Variants in AMBRA1 observed in about 807,000 individuals in gnomAD.
The protein encoded by AMBRA1 is autophagy and beclin 1 regulator 1, also known as activating molecule in BECN1-regulated autophagy protein 1.
A neutral mutation model predicts 125.4 loss-of-function variants in AMBRA1; 47 were observed. The observed-to-expected ratio is 0.37, with a 90% CI of 0.30 to 0.48. The LOEUF is 0.48. Among genes scored for constraint, AMBRA1 ranks in the 20% least tolerant of loss-of-function variants. The probability of loss-of-function intolerance (pLI) is 0.99; values close to 1 mark genes in which losing one functional copy is unlikely to be tolerated. For missense variants in AMBRA1, 1,331 were observed against 1,693.4 expected (o/e 0.79, Z 3.76); for synonymous variants, 626 against 655.5 (o/e 0.95, Z 0.69).
At chr11:46,441,955 C>CA (rs869217594) in intron 12 of AMBRA1, among the ~76,000 whole-genome samples, 1,352 of 66,148 alleles carry the variant, frequency 0.02, 7 homozygotes, top group African/African-American at 0.041. Context: ...TGGCTCAGTG[C>CA]AAAAAAAAAA....
chr11:46,542,392 C>G lies in AMBRA1; in HGVS notation c.1625G>C (p.Arg542Thr). 1 of 1,614,102 alleles carries G rather than the reference C, an allele frequency of 6.2e-7. No homozygotes were observed. The highest frequency in any genetic ancestry group is 8.5e-7 in the Non-Finnish European group (1 of 1,180,034). The change falls in exon 7 of 18, where the codon AGG (arginine) becomes ACG (threonine). Residue 542 changes from arginine (R) to threonine (T), a missense_variant. By Grantham distance (71) the Arg-to-Thr change is moderately conservative. Around this residue, in one of 4 missense-constraint regions of AMBRA1, gnomAD observed 689 missense variants for 776.5 expected, o/e 0.89. Transcript: ENST00000683756. This position sits in a 1 kb window ranked among gnomAD's most constrained non-coding sequence, Gnocchi z 5.9. ...GGTGGGCTGGTGGGAAGGGCCTGGC[C>G]TCTCAGATTCAATGTTATTGTTGAG... ...EMLNNNIESE[R>T]PGPSHQPTPH...
rs533868699 is a variant in AMBRA1 at position 46,572,080 on chromosome 11, A to G, written c.-121+21748T>C. On this transcript the variant is annotated intron_variant, in intron 1 of 17. Coordinates refer to ENST00000683756, the MANE Select transcript of AMBRA1 (RefSeq NM_001387011.1). ...GACTTTGCGAGGCCGAGGTGGGTGGATCACAAGGTCAAGAGATCGAGACCA... is the reference window on the plus strand; with the variant it reads ...GACTTTGCGAGGCCGAGGTGGGTGGGTCACAAGGTCAAGAGATCGAGACCA... 1.2e-4 allele frequency among the ~76,000 whole-genome samples: 19 copies of G among 152,258 alleles called. No individual in the cohort carries two copies. The East Asian group carries it at 3.7e-3, about 29-fold the overall frequency.
chr11:46,493,709 C>CT lies in AMBRA1; in HGVS notation c.2421-2dup. ...CAAGTACTCAGGCAGCAAGAAACGC[C>CT]TACAAGAAGGAATCACATGTGAAAA... On this transcript the variant is annotated splice_acceptor_variant, in intron 10 of 17. Transcript: ENST00000683756. LOFTEE classifies it high-confidence loss of function. The CT allele has an allele frequency of 6.3e-7, 1 of 1,586,422 alleles. No individual in the cohort carries two copies. The highest frequency in any genetic ancestry group is 8.5e-7 in the Non-Finnish European group (1 of 1,172,484).
chr11:46,440,549 TAAAG>T (rs1354892843), intron 12 of AMBRA1, among the ~76,000 whole-genome samples: 13 of 151,794 alleles, frequency 8.6e-5, no homozygotes, highest in Admixed American at 7.9e-4. Flanking sequence ...AGATGACAAT[TAAAG>T]AAAGAAAGTG....
At chr11:46,473,834 T>C (rs1949704752) in intron 11 of AMBRA1, among the ~76,000 whole-genome samples, 1 of 152,228 alleles carries the variant, frequency 6.6e-6, no homozygotes, top group Non-Finnish European at 1.5e-5. Context: ...GTATTTTTAG[T>C]GGAGACGGTG....
At chr11:46,570,912 G>GA (rs111227408) in intron 1 of AMBRA1, among the ~76,000 whole-genome samples, 1,976 of 151,742 alleles carry the variant, frequency 0.013, 48 homozygotes, top group African/African-American at 0.046. Flanking sequence ...TAGAGAACTG[G>GA]AAAAAAAATA....
intron 11 of AMBRA1, among the ~76,000 whole-genome samples, chr11:46,445,659 C>T (rs1472903442): frequency 6.6e-6 from 1 of 152,126 alleles, no homozygotes; most frequent in Non-Finnish European, 1.5e-5. Flanking sequence ...CATTCTGATC[C>T]AGGCTCAGTT....
chr11:46,491,702 C>T (rs963025530), intron 11 of AMBRA1, among the ~76,000 whole-genome samples: 2 of 152,182 alleles, frequency 1.3e-5, no homozygotes, highest in African/African-American at 4.8e-5. Context: ...AGAGTTCCTT[C>T]TCCTAATGGC....
chr11:46,460,947 T>TA (rs1474672579), intron 11 of AMBRA1, among the ~76,000 whole-genome samples: 2 of 152,084 alleles, frequency 1.3e-5, no homozygotes, highest in African/African-American at 4.8e-5. Context: ...ATTAATTAAA[T>TA]AAAAAACAAT....
chr11:46,457,123 A>G (rs2136818108), intron 11 of AMBRA1, among the ~76,000 whole-genome samples: 1 of 152,362 alleles, frequency 6.6e-6, no homozygotes, highest in Middle Eastern at 3.4e-3. Context: ...ATTACAGCTG[A>G]GTCAGTTGGG....
At chr11:46,517,482 T>TG (rs1229485138) in intron 7 of AMBRA1, among the ~76,000 whole-genome samples, 2 of 144,726 alleles carry the variant, frequency 1.4e-5, no homozygotes, top group Non-Finnish European at 3.0e-5. Flanking sequence ...TTTTTTTTTT[T>TG]TTTTTTTTTT....
At chr11:46,432,168 C>G (rs1200087870) in intron 14 of AMBRA1, among the ~76,000 whole-genome samples, 2 of 151,994 alleles carry the variant, frequency 1.3e-5, no homozygotes, top group Non-Finnish European at 2.9e-5. Context: ...AGCTCACAGC[C>G]CAGGAGAAGA....
chr11:46,397,792 G>A lies in AMBRA1; in HGVS notation c.3555C>T (p.Ser1185=), dbSNP rs1229056823. 1 of 1,610,188 alleles carries A rather than the reference G, an allele frequency of 6.2e-7. No homozygotes were observed. Among genetic ancestry groups the A allele is most frequent in the South Asian group, 1.1e-5 (1 of 91,090 alleles). Residue 1185 remains serine, a synonymous_variant, in exon 18 of 18, where the codon AGC becomes AGT. Transcript: ENST00000683756. Reference sequence around the variant, plus strand: ...TCTGAGAGCTGCGGTGAATGCGGTGGCTGACGATGATGTTGTTGCCGAAGC... The same window carrying A: ...TCTGAGAGCTGCGGTGAATGCGGTGACTGACGATGATGTTGTTGCCGAAGC... ...MGGFGNNIIV[S]HRIHRSSQTG...
At chr11:46,548,978 G>A (rs1375947247) in intron 1 of AMBRA1, 3 of 151,596 alleles carry the variant, frequency 2.0e-5, no homozygotes, top group Non-Finnish European at 4.4e-5. Context: ...GGGCGACAGA[G>A]CAAGACTCCA....
chr11:46,415,861 G>A (rs1020754380), intron 15 of AMBRA1, among the ~76,000 whole-genome samples: 1 of 152,218 alleles, frequency 6.6e-6, no homozygotes, highest in Non-Finnish European at 1.5e-5. Flanking sequence ...CTGGGATGCT[G>A]GAGCAACATA....
At chr11:46,550,618 T>A (rs954287806) in intron 1 of AMBRA1, among the ~76,000 whole-genome samples, 1 of 152,192 alleles carries the variant, frequency 6.6e-6, no homozygotes, top group East Asian at 1.9e-4. Context: ...TATTTCTACA[T>A]GTATTAGCTG....
At chr11:46,477,150 A>C (rs1949848539) in intron 11 of AMBRA1, among the ~76,000 whole-genome samples, 1 of 152,014 alleles carries the variant, frequency 6.6e-6, no homozygotes, top group Admixed American at 6.6e-5. Context: ...ACAACAGATA[A>C]AGGGAGAAAG....
intron 1 of AMBRA1, among the ~76,000 whole-genome samples, chr11:46,573,286 T>C (rs1043792638): frequency 6.6e-6 from 1 of 151,616 alleles, no homozygotes; most frequent in African/African-American, 2.4e-5. Flanking sequence ...GCACCTGTAA[T>C]CCCAGCTACT....
chr11:46,423,497 T>C (rs936541188), intron 14 of AMBRA1, among the ~76,000 whole-genome samples: 1 of 152,072 alleles, frequency 6.6e-6, no homozygotes, highest in Non-Finnish European at 1.5e-5. Context: ...GTTCATGCCA[T>C]TCTCCTGCCT....
Sources: allele counts gnomAD v4.1 joint callset (sites outside exome capture counted in the v4.1 genomes callset), GRCh38; gene constraint gnomAD v4.1.1; regional missense constraint gnomAD v4.1.1; non-coding constraint Gnocchi (gnomAD v3.1); transcripts MANE v1.5; gene names NCBI Gene and HGNC (gene_info 2026-07-23, HGNC 2026-07-21).